The following CCNH variants were observed in gnomAD, a reference collection of about 807,000 sequenced individuals.
The protein encoded by CCNH is cyclin-H.
Under a neutral mutation model 41.9 loss-of-function variants are expected in CCNH, and 31 were observed. The observed-to-expected ratio is 0.74, with a 90% CI of 0.56 to 1.00. The LOEUF is 1.00. Ranked by LOEUF, CCNH falls within the 50% of genes least tolerant of loss-of-function variation. The pLI is 0.00. For missense variants in CCNH, 362 were observed against 388.4 expected, an observed-to-expected ratio of 0.93 and a Z score of 0.57; for synonymous variants, 138 against 136.1, an observed-to-expected ratio of 1.01 and a Z score of -0.10.
At chr5:87,406,533 A>G (rs1286056849) in intron 4 of CCNH, among the ~76,000 whole-genome samples, 1 of 152,142 alleles carries the variant, frequency 6.6e-6, no homozygotes, top group African/African-American at 2.4e-5. Flanking sequence ...AAAATCTGAA[A>G]GTTTCTGAGC....
At chr5:87,364,691 T>G (rs919989390) in intron 9 of CCNH, among the ~76,000 whole-genome samples, 3 of 152,084 alleles carry the variant, frequency 2.0e-5, no homozygotes, top group Non-Finnish European at 4.4e-5. Flanking sequence ...TCTGCACCCT[T>G]CTTGTGGGTT....
chr5:87,326,351 C>CT (rs2112351841), intron 9 of CCNH, among the ~76,000 whole-genome samples: 1 of 152,032 alleles, frequency 6.6e-6, no homozygotes, highest in Admixed American at 6.5e-5. Context: ...TAATTGTTCA[C>CT]TTTTTTAACA....
chr5:87,362,373 G>A lies in CCNH; in HGVS notation c.*90+30397C>T, dbSNP rs189262645. The stretch of plus-strand genomic sequence containing the variant: ...GTGAACTTTGTTGTCGGTGTTCTTC[G>A]AAATTATAAGGAAGCATTTCTGAGA... On this transcript the variant is annotated intron_variant and NMD_transcript_variant, in intron 9 of 9. Transcript: ENST00000645953. Among the ~76,000 whole-genome samples the A allele has an allele frequency of 3.8e-3, 581 of 152,242 alleles. 3 individuals carry two copies. Among genetic ancestry groups the A allele is most frequent in the Non-Finnish European group, 5.6e-3 (382 of 68,006 alleles).
intron 9 of CCNH, among the ~76,000 whole-genome samples, chr5:87,322,138 TCAA>T (rs1485252701): frequency 6.6e-6 from 1 of 152,002 alleles, no homozygotes; most frequent in Non-Finnish European, 1.5e-5. Context: ...GGTAATGAGT[TCAA>T]GTGAGAGCTG....
intron 5 of CCNH, among the ~76,000 whole-genome samples, chr5:87,403,323 T>C (rs942361630): frequency 1.3e-5 from 2 of 152,206 alleles, no homozygotes; most frequent in Non-Finnish European, 2.9e-5. Flanking sequence ...AATTTCAATT[T>C]TGCCTTCCTG....
intron 9 of CCNH, chr5:87,341,347 G>GAAA (rs35694079): frequency 1.6e-5 from 19 of 1,191,986 alleles, no homozygotes; most frequent in South Asian, 5.3e-5. Flanking sequence ...TTATTAAAAT[G>GAAA]AAAAAAAAAA....
At chr5:87,394,509 A>G in intron 8 of CCNH, 25 bp from the exon 9 acceptor site, 1 of 1,613,252 alleles carries the variant, frequency 6.2e-7, no homozygotes, top group South Asian at 1.1e-5. Flanking sequence ...AAGTGTGGTA[A>G]GGATAACACT....
At chr5:87,407,619 C>A (rs1050688914) in intron 4 of CCNH, among the ~76,000 whole-genome samples, 3 of 152,126 alleles carry the variant, frequency 2.0e-5, no homozygotes, top group African/African-American at 7.2e-5. Flanking sequence ...AGATCCATGA[C>A]AATATAATTC....
intron 7 of CCNH, among the ~76,000 whole-genome samples, chr5:87,397,891 C>CATGAA (rs1204462587): frequency 6.6e-6 from 1 of 152,188 alleles, no homozygotes; most frequent in African/African-American, 2.4e-5. Context: ...TCTGCTGTAT[C>CATGAA]ATGAAAATAG....
intron 9 of CCNH, among the ~76,000 whole-genome samples, chr5:87,326,814 A>G (rs770841873): frequency 5.9e-5 from 9 of 152,170 alleles, no homozygotes; most frequent in Non-Finnish European, 8.8e-5. Context: ...TGAATGCTCT[A>G]TAATGTTCAA....
At chr5:87,404,744 C>A (rs1763660707) in intron 5 of CCNH, 100 bp downstream of exon 5, 2 of 952,356 alleles carry the variant, frequency 2.1e-6, no homozygotes, top group African/African-American at 1.7e-5. Flanking sequence ...CACCAACCAT[C>A]CCAGCCACAA....
intron 9 of CCNH, chr5:87,353,126 AGATT>A (rs1561303291): frequency 1.9e-6 from 3 of 1,544,322 alleles, no homozygotes; most frequent in Non-Finnish European, 2.7e-6. Context: ...TTTATGAGAC[AGATT>A]AATACTAGAA....
chr5:87,404,673 T>C (rs1763653590), intron 5 of CCNH, among the ~76,000 whole-genome samples, 171 bp downstream of exon 5: 1 of 152,206 alleles, frequency 6.6e-6, no homozygotes, highest in Admixed American at 6.5e-5. Context: ...TCCTCTTAGT[T>C]TAACAGTATT....
At chr5:87,322,844 C>CA (rs764604046) in intron 9 of CCNH, among the ~76,000 whole-genome samples, 13 of 152,144 alleles carry the variant, frequency 8.5e-5, no homozygotes, top group Non-Finnish European at 1.9e-4. Context: ...AAGAAGGAAT[C>CA]AAAGTTGCTT....
intron 9 of CCNH, among the ~76,000 whole-genome samples, chr5:87,329,583 A>C (rs1174046154): frequency 6.6e-6 from 1 of 152,214 alleles, no homozygotes; most frequent in African/African-American, 2.4e-5. Context: ...GGTAAGTTCA[A>C]AAGATGAAGG....
intron 9 of CCNH, among the ~76,000 whole-genome samples, chr5:87,335,632 G>A (rs1757921057): frequency 1.3e-5 from 2 of 151,802 alleles, no homozygotes; most frequent in Non-Finnish European, 2.9e-5. Flanking sequence ...CACCATGTTG[G>A]CCAGGGTAGT....
At chr5:87,379,858 G>T (rs1761585268), upstream of CCNH, 2 of 1,610,760 alleles carry the variant, frequency 1.2e-6, no homozygotes, top group South Asian at 2.2e-5. Context: ...ACCGTAAGTG[G>T]TGAAATTTTC....
At chr5:87,346,621 A>G (rs756368710) in intron 9 of CCNH, 5 of 1,215,498 alleles carry the variant, frequency 4.1e-6, no homozygotes, top group Non-Finnish European at 4.8e-6. Context: ...TGATCATATG[A>G]TAACAGCAAA....
At chr5:87,389,573 C>T (rs1379918728), downstream of CCNH, 1 of 1,603,428 alleles carries the variant, frequency 6.2e-7, no homozygotes, top group Admixed American at 1.7e-5. Flanking sequence ...TCAAAGATAA[C>T]ACTTAGAGAG....
Sources: gnomAD v4.1 joint callset for allele counts (sites outside exome capture counted in the v4.1 genomes callset) on GRCh38, gnomAD v4.1.1 for gene constraint, MANE v1.5 for transcripts, NCBI Gene and HGNC (gene_info 2026-07-23, HGNC 2026-07-21) for gene names.